Variants in WDR27 observed in about 807,000 individuals in gnomAD.
WDR27 encodes the protein WD repeat-containing protein 27.
A neutral mutation model predicts 114.4 loss-of-function variants in WDR27; 100 were observed. The observed-to-expected ratio is 0.87, with a 90% CI of 0.74 to 1.03. WDR27 has a LOEUF of 1.03. WDR27 is among the 50% of genes least tolerant of loss of function. The pLI, the probability that WDR27 is intolerant of heterozygous loss-of-function variation, is 0.00. For missense variants in WDR27, 1,129 were observed against 1,092.9 expected (o/e 1.03, Z -0.47); for synonymous variants, 449 against 423.1 (o/e 1.06, Z -0.75).
rs35927529 is a variant in WDR27, at chr6:169,634,440, C to A, written c.2089G>T (p.Asp697Tyr). The A allele has an allele frequency of 1.1e-5, 18 of 1,611,972 alleles. No individual in the cohort carries two copies. The South Asian group carries it at 1.8e-4, about 16-fold the overall frequency. ...VDMTSLSAVNDFYSHIVLAAG... is the reference protein window; with the variant it reads ...VDMTSLSAVNYFYSHIVLAAG... ...GGAGAAAGGATACGGGAATAAAAGT[C>A]GTTGACTGCCGATAAACTGGTCATG... The change falls in exon 20 of 26, where the codon GAC becomes TAC. Residue 697 changes from aspartate (D) to tyrosine (Y), a missense_variant. Physicochemically the swap from Asp to Tyr is radical, Grantham distance 160 (BLOSUM62 -3). Transcript: ENST00000448612.
At chr6:169,634,861 CA>C (rs2128219659) in intron 19 of WDR27, among the ~76,000 whole-genome samples, 1 of 152,270 alleles carries the variant, frequency 6.6e-6, no homozygotes, top group Non-Finnish European at 1.5e-5. Flanking sequence ...TCTCCCGCTA[CA>C]TATAACTGAA....
intron 1 of WDR27, among the ~76,000 whole-genome samples, chr6:169,699,359 T>A (rs1414667020): frequency 1.3e-5 from 2 of 152,128 alleles, no homozygotes; most frequent in African/African-American, 4.8e-5. Flanking sequence ...TTGTTCCACA[T>A]AACCTCAGGG....
At position 169,634,488 on chromosome 6, in the gene WDR27, G is replaced by A. The variant is rs1342422925; in HGVS notation, c.2041C>T (p.Leu681Phe). Residue 681 changes from leucine to phenylalanine, a missense_variant, in exon 20 of 26, where the codon CTC becomes TTC. By Grantham distance (22) the Leu-to-Phe change is conservative. Coordinates refer to ENST00000448612, the MANE Select transcript of WDR27 (RefSeq NM_182552.5). ...QKSKSKLICR[L>F]STTGAVDMTS... ...ATGTCTACTGCACCCGTCGTGGAGA[G>A]CCTGCAAATCAGCTTGGACTTGCTC... 1.2e-6 allele frequency: 2 copies of A among 1,612,952 alleles called. No homozygotes were observed. The highest frequency in any genetic ancestry group is 1.7e-6 in the Non-Finnish European group (2 of 1,179,578).
At position 169,654,882 on chromosome 6, in the gene WDR27, G is replaced by T. The variant is rs116621162; in HGVS notation, c.1403-2874C>A. 2.3e-3 allele frequency among the ~76,000 whole-genome samples: 350 copies of T among 152,342 alleles called. 2 individuals carry two copies. Among genetic ancestry groups the T allele is most frequent in the African/African-American group, 7.9e-3 (329 of 41,582 alleles). ...CCGTTCAGAAGGAAGCGCGCACAGA[G>T]GAGTTTGTGTTCTTTTGCGGGTGTT... On this transcript the variant is annotated intron_variant, in intron 13 of 25. Transcript: ENST00000448612.
chr6:169,553,255 C>T (rs1220265637), intron 25 of WDR27, among the ~76,000 whole-genome samples: 2 of 152,024 alleles, frequency 1.3e-5, no homozygotes, highest in African/African-American at 4.8e-5. Context: ...AGGGAGCCGC[C>T]GACCTCTCAC....
chr6:169,694,657 GTAAT>G (rs1309984196), intron 1 of WDR27, among the ~76,000 whole-genome samples: 10 of 152,334 alleles, frequency 6.6e-5, no homozygotes, highest in Admixed American at 3.9e-4. Flanking sequence ...AGTTTAATAT[GTAAT>G]TAAACAGTTA....
At chr6:169,458,178 C>A (rs1201820309) in intron 25 of WDR27, among the ~76,000 whole-genome samples, 1 of 152,156 alleles carries the variant, frequency 6.6e-6, no homozygotes, top group Non-Finnish European at 1.5e-5. Flanking sequence ...CAGATTCTGG[C>A]ACATTAGCAG....
chr6:169,649,400 GC>G, intron 14 of WDR27, 125 bp from the exon 15 acceptor site: 1 of 788,388 alleles, frequency 1.3e-6, no homozygotes, highest in Non-Finnish European at 2.1e-6. Flanking sequence ...ATGCTTTCGG[GC>G]CCCTCCCACC....
chr6:169,556,997 C>G (rs549697620), intron 25 of WDR27, among the ~76,000 whole-genome samples: 1 of 152,280 alleles, frequency 6.6e-6, no homozygotes, highest in Admixed American at 6.5e-5. Context: ...AACTGAGAGG[C>G]AGTTACGTTG....
intron 25 of WDR27, among the ~76,000 whole-genome samples, chr6:169,527,510 T>C (rs186570092): frequency 2.0e-5 from 3 of 152,350 alleles, no homozygotes; most frequent in East Asian, 3.9e-4. Context: ...TTACAGGGTT[T>C]CTTTTCAGGG....
chr6:169,500,155 G>A (rs1048790350), intron 25 of WDR27, among the ~76,000 whole-genome samples: 14 of 152,230 alleles, frequency 9.2e-5, no homozygotes, highest in African/African-American at 3.4e-4. Flanking sequence ...GGGAATTGCA[G>A]AGATTAGCAC....
intron 25 of WDR27, among the ~76,000 whole-genome samples, chr6:169,562,456 C>A (rs146115408): frequency 2.0e-5 from 3 of 152,184 alleles, no homozygotes; most frequent in Non-Finnish European, 4.4e-5. Flanking sequence ...TAAATGAGTA[C>A]ATAAACATTT....
At chr6:169,516,307 T>A (rs1420345580) in intron 25 of WDR27, among the ~76,000 whole-genome samples, 4 of 152,142 alleles carry the variant, frequency 2.6e-5, no homozygotes, top group Non-Finnish European at 5.9e-5. Context: ...TAAGGAGCCA[T>A]GAAAATAAGT....
At chr6:169,605,692 T>C (rs1422843944) in intron 22 of WDR27, among the ~76,000 whole-genome samples, 1 of 151,448 alleles carries the variant, frequency 6.6e-6, no homozygotes, top group Non-Finnish European at 1.5e-5. Context: ...AGGCATCACC[T>C]TCCCTGACTT....
chr6:169,672,028 A>T (rs990670041), intron 3 of WDR27: 3 of 433,076 alleles, frequency 6.9e-6, no homozygotes, highest in Admixed American at 3.9e-5. Context: ...TAAGATCAGC[A>T]TAACAGACAG....
At chr6:169,602,705 G>A (rs1181045701) in intron 22 of WDR27, among the ~76,000 whole-genome samples, 1 of 151,946 alleles carries the variant, frequency 6.6e-6, no homozygotes, top group Non-Finnish European at 1.5e-5. Flanking sequence ...TATCGAGGGT[G>A]GTTAAGTTTC....
intron 25 of WDR27, among the ~76,000 whole-genome samples, chr6:169,503,219 G>C (rs1018028466): frequency 6.6e-6 from 1 of 152,202 alleles, no homozygotes; most frequent in Admixed American, 6.5e-5. Context: ...CTGAGTTCAA[G>C]CAACCTGTAA....
At chr6:169,482,696 T>G (rs1336106864) in intron 25 of WDR27, among the ~76,000 whole-genome samples, 1 of 152,176 alleles carries the variant, frequency 6.6e-6, no homozygotes, top group African/African-American at 2.4e-5. Flanking sequence ...TGATAAGATA[T>G]CTACAGAACT....
intron 2 of WDR27, 109 bp downstream of exon 2, chr6:169,688,708 A>G (rs575715624): frequency 4.7e-6 from 3 of 635,190 alleles, no homozygotes; most frequent in African/African-American, 1.9e-5. Flanking sequence ...TTTTTCTCCT[A>G]TAGTTGGTAG....
Sources: allele counts gnomAD v4.1 joint callset (sites outside exome capture counted in the v4.1 genomes callset), GRCh38; gene constraint gnomAD v4.1.1; transcripts MANE v1.5; gene names NCBI Gene and HGNC (gene_info 2026-07-23, HGNC 2026-07-21).